Variants in PDSS2 observed in about 807,000 individuals in gnomAD.
PDSS2 encodes the protein all trans-polyprenyl-diphosphate synthase PDSS2.
A neutral mutation model predicts 44.5 loss-of-function variants in PDSS2; 31 were observed. That is an observed-to-expected ratio of 0.70 (90% confidence interval 0.52 to 0.94). The LOEUF is 0.94. Among genes scored for constraint, PDSS2 ranks in the 40% least tolerant of loss-of-function variants. The probability of loss-of-function intolerance (pLI) is 0.00; values close to 1 mark genes in which losing one functional copy is unlikely to be tolerated. For missense variants in PDSS2, 452 were observed against 482.2 expected (o/e 0.94, Z 0.59); for synonymous variants, 157 against 180.3 (o/e 0.87, Z 1.03).
intron 1 of PDSS2, among the ~76,000 whole-genome samples, chr6:107,408,260 C>A (rs1034430357): frequency 1.3e-5 from 2 of 151,806 alleles, no homozygotes; most frequent in South Asian, 2.1e-4. Flanking sequence ...GAACGCCTGA[C>A]CCCAAGCTTC....
intron 3 of PDSS2, among the ~76,000 whole-genome samples, chr6:107,253,129 G>A (rs1429727929): frequency 6.6e-6 from 1 of 152,170 alleles, no homozygotes; most frequent in African/African-American, 2.4e-5. Context: ...TCCACCTCCC[G>A]GGTTTCAGCA....
rs1775690050 is a variant in PDSS2 at position 107,274,044 on chromosome 6, C to A, written c.615G>T (p.Leu205=). 6.2e-7 allele frequency: 1 copy of A among 1,613,876 alleles called. No homozygotes were observed. The highest frequency in any genetic ancestry group is 1.3e-5 in the African/African-American group (1 of 74,914). ...LLANACNGLA[L]LQNTKVVELL... is the part of the protein sequence containing the mutation. The stretch of plus-strand genomic sequence containing the variant: ...CCAATTTTACCTTGGTGTTCTGTAG[C>A]AGAGCTAGTCCATTGCAGGCATTTG... The change falls in exon 3 of 8, where the codon CTG becomes CTT. Residue 205 remains leucine (L), a synonymous_variant. Transcript: ENST00000369037.
intron 1 of PDSS2, among the ~76,000 whole-genome samples, chr6:107,378,577 G>A (rs374620636): frequency 6.6e-6 from 1 of 152,120 alleles, no homozygotes. Flanking sequence ...CCTGAGGTCA[G>A]GAGTTCAAGA....
intron 1 of PDSS2, among the ~76,000 whole-genome samples, chr6:107,358,822 C>T (rs959059831): frequency 2.0e-5 from 3 of 152,024 alleles, no homozygotes; most frequent in African/African-American, 4.8e-5. Context: ...ATGCCAATAG[C>T]ACCCCCAGTT....
At chr6:107,411,245 T>G (rs1780483647) in intron 1 of PDSS2, among the ~76,000 whole-genome samples, 1 of 152,204 alleles carries the variant, frequency 6.6e-6, no homozygotes. Context: ...CAACTGCTAC[T>G]GGATTTTGCT....
At chr6:107,224,206 A>AT (rs1773710185) in intron 4 of PDSS2, among the ~76,000 whole-genome samples, 1 of 151,430 alleles carries the variant, frequency 6.6e-6, no homozygotes, top group African/African-American at 2.5e-5. Flanking sequence ...ATCACTCCTT[A>AT]TTGTGGACAG....
chr6:107,237,462 C>T (rs569573466), intron 4 of PDSS2, among the ~76,000 whole-genome samples: 5 of 151,740 alleles, frequency 3.3e-5, no homozygotes, highest in Admixed American at 6.6e-5. Context: ...AGGATGGTTT[C>T]GAACTCCTGA....
At chr6:107,276,809 TG>T (rs1268674048) in intron 2 of PDSS2, among the ~76,000 whole-genome samples, 1 of 152,206 alleles carries the variant, frequency 6.6e-6, no homozygotes, top group Non-Finnish European at 1.5e-5. Flanking sequence ...TTACACTCTT[TG>T]AATGCTAACC....
At position 107,252,734 on chromosome 6, in the gene PDSS2, G is replaced by A. The variant is rs530559550; in HGVS notation, c.631-7115C>T. Among the ~76,000 whole-genome samples the A allele has an allele frequency of 5.3e-5, 8 of 152,254 alleles. No individual in the cohort carries two copies. The South Asian group carries it at 1.7e-3, about 32-fold the overall frequency. On this transcript the variant is annotated intron_variant, in intron 3 of 7. Coordinates refer to ENST00000369037, the MANE Select transcript of PDSS2 (RefSeq NM_020381.4). ...ACTTGAGCCCAGGAGTTCGAGACCA[G>A]CCTGGGCAATATAGTGAGATACCCA...
intron 7 of PDSS2, among the ~76,000 whole-genome samples, chr6:107,157,533 C>A (rs12194078): frequency 2.6e-5 from 4 of 151,894 alleles, no homozygotes; most frequent in Admixed American, 6.6e-5. Flanking sequence ...CTGTCTCCCC[C>A]ACCCCAACAA....
At chr6:107,375,765 C>G (rs1164185768) in intron 1 of PDSS2, among the ~76,000 whole-genome samples, 1 of 152,174 alleles carries the variant, frequency 6.6e-6, no homozygotes, top group Non-Finnish European at 1.5e-5. Context: ...TTTATGATAT[C>G]AGATGCACAA....
At position 107,434,808 on chromosome 6, in the gene PDSS2, C is replaced by T. The variant is rs542073116; in HGVS notation, c.296+24182G>A. 2.0e-3 allele frequency among the ~76,000 whole-genome samples: 309 copies of T among 152,136 alleles called. 1 individual carries two copies. The highest frequency in any genetic ancestry group is 7.3e-3 in the Admixed American group (111 of 15,274). The stretch of plus-strand genomic sequence containing the variant: ...CTTGAGGTAACACATACCCCATTTA[C>T]CCTGATGTGATTACTAGGCATTGTA... On this transcript the variant is annotated intron_variant, in intron 1 of 7. Coordinates refer to ENST00000369037, the MANE Select transcript of PDSS2 (RefSeq NM_020381.4).
chr6:107,441,991 C>T (rs192161243), intron 1 of PDSS2, among the ~76,000 whole-genome samples: 25 of 152,264 alleles, frequency 1.6e-4, no homozygotes, highest in Non-Finnish European at 3.1e-4. Flanking sequence ...CAGCCTGAGC[C>T]AAAACTTCCT....
chr6:107,367,388 C>G (rs1379991636), intron 1 of PDSS2, among the ~76,000 whole-genome samples: 1 of 152,156 alleles, frequency 6.6e-6, no homozygotes, highest in African/African-American at 2.4e-5. Context: ...CTACCACTAA[C>G]ATAAAATGAA....
In PDSS2 at chr6:107,170,613, C is replaced by G. The variant is rs3885234; in HGVS notation, c.1042-15836G>C. 3.1e-4 allele frequency among the ~76,000 whole-genome samples: 18 copies of G among 58,286 alleles called. No individual in the cohort carries two copies. The South Asian group carries it at 8.0e-3, about 26-fold the overall frequency. 38.2% of individuals were successfully genotyped at this position (58,286 alleles called of 152,430 possible). ...TTCGGCCATCTTGGAACCACCCCCC[C>G]CCCCCCACTTTTTTTTTTCTGAGAC... On this transcript the variant is annotated intron_variant, in intron 7 of 7. Coordinates refer to ENST00000369037, the MANE Select transcript of PDSS2 (RefSeq NM_020381.4).
intron 1 of PDSS2, among the ~76,000 whole-genome samples, chr6:107,364,951 G>C (rs369937692): frequency 6.6e-6 from 1 of 152,148 alleles, no homozygotes; most frequent in Non-Finnish European, 1.5e-5. Flanking sequence ...TGGGGGAGGC[G>C]GGGAAGGCTT....
intron 1 of PDSS2, among the ~76,000 whole-genome samples, chr6:107,399,653 T>C (rs1780048435): frequency 6.6e-6 from 1 of 152,238 alleles, no homozygotes; most frequent in African/African-American, 2.4e-5. Flanking sequence ...TATTCTGAGA[T>C]AATTCCTACT....
intron 1 of PDSS2, among the ~76,000 whole-genome samples, chr6:107,446,013 G>C (rs1781664244): frequency 6.6e-6 from 1 of 151,818 alleles, no homozygotes; most frequent in Non-Finnish European, 1.5e-5. Flanking sequence ...TTTTTTTAAG[G>C]CTTTTCAAAA....
At chr6:107,438,523 T>A (rs1781424409) in intron 1 of PDSS2, among the ~76,000 whole-genome samples, 1 of 152,136 alleles carries the variant, frequency 6.6e-6, no homozygotes, top group Non-Finnish European at 1.5e-5. Context: ...CCTGTTTTGA[T>A]TTAAATAACC....
Sources: allele counts gnomAD v4.1 joint callset (sites outside exome capture counted in the v4.1 genomes callset), GRCh38; gene constraint gnomAD v4.1.1; transcripts MANE v1.5; gene names NCBI Gene and HGNC (gene_info 2026-07-23, HGNC 2026-07-21).